Variants in XRN1 observed in about 807,000 individuals in gnomAD.
The protein encoded by XRN1 is strand-exchange protein 1 homolog.
Under a neutral mutation model 222.3 loss-of-function variants are expected in XRN1, and 67 were observed. The observed-to-expected ratio is 0.30, with a 90% CI of 0.25 to 0.37. The LOEUF (loss-of-function observed/expected upper bound fraction) is 0.37. XRN1 is among the 10% of genes least tolerant of loss of function. XRN1 has a pLI of 1.00. For synonymous variants in XRN1, 643 were observed against 652.4 expected (o/e 0.99, Z 0.22); for missense variants, 1,707 against 2,000.2 (o/e 0.85, Z 2.80).
intron 29 of XRN1, 24 bp from the exon 30 acceptor site, chr3:142,359,955 G>C: frequency 6.6e-7 from 1 of 1,514,220 alleles, no homozygotes; most frequent in Non-Finnish European, 9.0e-7. Flanking sequence ...GAGAGAAAAA[G>C]AGACACTAAA....
At chr3:142,400,791 C>A (rs1302854518) in intron 18 of XRN1, among the ~76,000 whole-genome samples, 1 of 152,096 alleles carries the variant, frequency 6.6e-6, no homozygotes, top group African/African-American at 2.4e-5. Context: ...TGGTGGCACA[C>A]GCAGTAGTCC....
At chr3:142,312,897 T>C in intron 39 of XRN1, 139 bp from the exon 40 acceptor site, 1 of 935,130 alleles carries the variant, frequency 1.1e-6, no homozygotes, top group Non-Finnish European at 1.6e-6. Context: ...TCACCTATAA[T>C]TACTCTTCCT....
At chr3:142,437,017 A>G (rs905664859) in intron 1 of XRN1, among the ~76,000 whole-genome samples, 1 of 152,200 alleles carries the variant, frequency 6.6e-6, no homozygotes, top group African/African-American at 2.4e-5. Context: ...TTCCTTTTAG[A>G]AAAGAAATAT....
chr3:142,440,464 A>C (rs2070151144), intron 1 of XRN1, among the ~76,000 whole-genome samples: 1 of 152,010 alleles, frequency 6.6e-6, no homozygotes, highest in African/African-American at 2.4e-5. Context: ...GGACGAGCAA[A>C]GAATGCCCAT....
Position 142,384,603 on chromosome 3 carries a change from T to C in XRN1, c.2422A>G (p.Ile808Val). The change falls in exon 21 of 41, where the codon ATA (isoleucine) becomes GTA (valine). Residue 808 changes from isoleucine to valine, a missense_variant. Physicochemically the swap from Ile to Val is conservative, Grantham distance 29. Around this residue, in one of 2 missense-constraint regions of XRN1, gnomAD observed 1,234 missense variants for 1,518.2 expected, o/e 0.81. Transcript: ENST00000392981. ...AQLLTGRKYQ[I>V]NQNGEVRLEK... is the part of the protein sequence containing the mutation. The stretch of plus-strand genomic sequence containing the variant: ...AGACGAACTTCACCATTTTGATTTA[T>C]TTGATATTTACGACCTGTGAGTAAC... 6.2e-7 allele frequency: 1 copy of C among 1,613,346 alleles called. No individual in the cohort carries two copies. The highest frequency in any genetic ancestry group is 8.5e-7 in the Non-Finnish European group (1 of 1,179,680).
At chr3:142,423,092 C>T (rs1050960725) in intron 6 of XRN1, among the ~76,000 whole-genome samples, 170 bp from the exon 7 acceptor site, 2 of 152,020 alleles carry the variant, frequency 1.3e-5, no homozygotes, top group African/African-American at 4.8e-5. Context: ...AATACAATTG[C>T]AATAATAGAT....
chr3:142,400,810 C>T (rs983190303), intron 18 of XRN1, among the ~76,000 whole-genome samples: 5 of 152,076 alleles, frequency 3.3e-5, no homozygotes, highest in Admixed American at 6.5e-5. Flanking sequence ...CCCAGCTACC[C>T]GGAGGCTGAG....
chr3:142,348,089 G>A (rs2066199842), intron 32 of XRN1, among the ~76,000 whole-genome samples: 1 of 152,046 alleles, frequency 6.6e-6, no homozygotes, highest in Admixed American at 6.6e-5. Context: ...GAAATGAGTA[G>A]GGGTTATAGA....
intron 37 of XRN1, among the ~76,000 whole-genome samples, chr3:142,323,154 A>G (rs946158416): frequency 8.5e-5 from 13 of 152,128 alleles, no homozygotes; most frequent in African/African-American, 3.1e-4. Flanking sequence ...TCTTTTTCGC[A>G]TTACTTTTTC....
In XRN1 at chr3:142,311,832, T is replaced by A. The variant is rs199592071; in HGVS notation, c.4783-19A>T. 1.3e-6 allele frequency: 2 copies of A among 1,549,524 alleles called. No homozygotes were observed. Among genetic ancestry groups the A allele is most frequent in the Non-Finnish European group, 1.7e-6 (2 of 1,151,990 alleles). ...TAGTAACCTGTTAGGAATAAAAGCA[T>A]CACTAATTAATAATGTAGGCAAAAA... On this transcript the variant is annotated intron_variant, in intron 40 of 40. Coordinates refer to ENST00000392981, the MANE Select transcript of XRN1 (RefSeq NM_001282857.2).
At chr3:142,332,672 C>A in intron 35 of XRN1, 138 bp from the exon 36 acceptor site, 2 of 855,354 alleles carry the variant, frequency 2.3e-6, no homozygotes, top group South Asian at 3.0e-5. Flanking sequence ...CAGATAGAAA[C>A]TGAAAAAAAA....
intron 37 of XRN1, 132 bp from the exon 38 acceptor site, chr3:142,319,035 T>A: frequency 1.3e-6 from 1 of 759,698 alleles, no homozygotes; most frequent in Non-Finnish European, 2.0e-6. Flanking sequence ...AGTTTTCAAT[T>A]GCCAGGCAAA....
Position 142,308,895 on chromosome 3 carries a change from T to A in XRN1, c.*2616A>T, listed in dbSNP as rs552490756. 1.3e-5 allele frequency: 2 copies of A among 152,204 alleles called. No individual in the cohort carries two copies. The highest frequency in any genetic ancestry group is 2.4e-5 in the African/African-American group (1 of 41,460). 9.4% of individuals were successfully genotyped at this position (152,204 alleles called of 1,614,324 possible). A position where few individuals can be genotyped will look rare whatever the true frequency, so the allele number is the denominator to read the frequency against. The stretch of plus-strand genomic sequence containing the variant: ...AGTTGAATGAGCATATTTTTAAACT[T>A]TGGGGGTGGTCTTAGTCCACCCCAT... On this transcript the variant is annotated 3_prime_UTR_variant, in exon 41 of 41. Coordinates refer to ENST00000392981, the MANE Select transcript of XRN1 (RefSeq NM_001282857.2).
intron 25 of XRN1, among the ~76,000 whole-genome samples, chr3:142,374,616 G>A (rs1577319100): frequency 6.6e-6 from 1 of 152,160 alleles, no homozygotes; most frequent in African/African-American, 2.4e-5. Context: ...ATCCAGAGTG[G>A]TGGAAGTCAA....
Position 142,396,427 on chromosome 3 carries a change from C to A in XRN1, c.2339+902G>T, listed in dbSNP as rs144447376. ...AGAAAGAGTTATTAAATTAATCATA[C>A]AAGTAAGTTTATTATGGTTTTATTT... On this transcript the variant is annotated intron_variant, in intron 20 of 40. Transcript: ENST00000392981. Among the ~76,000 whole-genome samples, 18 of 152,250 alleles carry A rather than the reference C, an allele frequency of 1.2e-4. No individual in the cohort carries two copies. The East Asian group carries it at 2.7e-3, about 23-fold the overall frequency.
intron 32 of XRN1, among the ~76,000 whole-genome samples, chr3:142,349,324 T>C (rs1041266916): frequency 5.9e-5 from 9 of 152,038 alleles, no homozygotes; most frequent in African/African-American, 1.9e-4. Flanking sequence ...TGGTGGGGCT[T>C]TGGACTACAG....
At chr3:142,339,447 CA>C (rs1294894373) in intron 33 of XRN1, among the ~76,000 whole-genome samples, 11 of 152,186 alleles carry the variant, frequency 7.2e-5, no homozygotes, top group Admixed American at 5.9e-4. Flanking sequence ...AAAGTGTTCC[CA>C]AGAAGGACTG....
intron 37 of XRN1, among the ~76,000 whole-genome samples, chr3:142,324,433 T>G (rs2065457103): frequency 3.9e-5 from 6 of 152,138 alleles, no homozygotes; most frequent in Admixed American, 3.9e-4. Context: ...ACTCATCATT[T>G]TTTATGGCTG....
chr3:142,353,928 A>T (rs540766450), intron 32 of XRN1, among the ~76,000 whole-genome samples: 4 of 152,276 alleles, frequency 2.6e-5, no homozygotes, highest in Non-Finnish European at 4.4e-5. Context: ...TGTGCATCTG[A>T]CAAAGGTCTA....
Sources: allele counts gnomAD v4.1 joint callset (sites outside exome capture counted in the v4.1 genomes callset), GRCh38; gene constraint gnomAD v4.1.1; regional missense constraint gnomAD v4.1.1; transcripts MANE v1.5; gene names NCBI Gene and HGNC (gene_info 2026-07-23, HGNC 2026-07-21).